HSD11B1: variants seen among roughly 807,000 people sequenced by gnomAD.
HSD11B1 encodes 11-beta-hydroxysteroid dehydrogenase 1.
Under a neutral mutation model 22.1 loss-of-function variants are expected in HSD11B1, and 15 were observed. That is an observed-to-expected ratio of 0.68 (90% CI 0.45 to 1.04). The LOEUF (loss-of-function observed/expected upper bound fraction) is 1.04, where lower values mean the gene tolerates loss of function less well. Ranked by LOEUF, HSD11B1 falls within the 50% of genes least tolerant of loss-of-function variation. The pLI is 0.00. For missense variants in HSD11B1, 281 were observed against 357.6 expected (o/e 0.79, Z 1.73); for synonymous variants, 122 against 125.2 (o/e 0.97, Z 0.17).
At position 209,707,136 on chromosome 1, in the gene HSD11B1, G is replaced by A. The variant is rs544998400; in HGVS notation, c.517+8G>A. 1.8e-5 allele frequency: 29 copies of A among 1,610,116 alleles called. No individual in the cohort carries two copies. In the Admixed American group the frequency reaches 4.8e-4, roughly 27 times the overall value. Reference sequence around the variant, plus strand: ...TCGTCTCCTCTCTGGCTGGTAAGTGGGACAGGGACATATGTGGAAGGTAGA... The same window carrying A: ...TCGTCTCCTCTCTGGCTGGTAAGTGAGACAGGGACATATGTGGAAGGTAGA... On this transcript the variant is annotated splice_region_variant and intron_variant, in intron 4 of 5. Coordinates refer to ENST00000367027, the MANE Select transcript of HSD11B1 (RefSeq NM_005525.4).
At chr1:209,699,253 A>T (rs1271147630) in intron 1 of HSD11B1, among the ~76,000 whole-genome samples, 1 of 151,982 alleles carries the variant, frequency 6.6e-6, no homozygotes, top group Non-Finnish European at 1.5e-5. Flanking sequence ...GAAAGGGAGA[A>T]TCTTATGCGT....
intron 4 of HSD11B1, among the ~76,000 whole-genome samples, chr1:209,726,247 C>T (rs576012576): frequency 7.8e-6 from 1 of 128,416 alleles, no homozygotes; most frequent in African/African-American, 2.9e-5. Flanking sequence ...CGCCACTGCA[C>T]TCCAACCTGG....
At chr1:209,703,690 G>A (rs2076838286), upstream of HSD11B1, among the ~76,000 whole-genome samples, 1 of 152,086 alleles carries the variant, frequency 6.6e-6, no homozygotes, top group African/African-American at 2.4e-5. Context: ...TTAACCTTGT[G>A]TAAATTCTGT....
chr1:209,729,363 A>C (rs1357846039), intron 4 of HSD11B1, among the ~76,000 whole-genome samples: 2 of 146,342 alleles, frequency 1.4e-5, no homozygotes, highest in African/African-American at 5.0e-5. Context: ...TGCCTCGGAA[A>C]ACACACACAC....
chr1:209,692,608 G>GGGGGA (rs759595141), intron 1 of HSD11B1, among the ~76,000 whole-genome samples: 1 of 11,008 alleles, frequency 9.1e-5, no homozygotes, highest in East Asian at 8.1e-3. Flanking sequence ...TTAAAATGGC[G>GGGGGA]GGGGGGGGGG....
At chr1:209,694,370 G>T (rs73089412) in intron 1 of HSD11B1, among the ~76,000 whole-genome samples, 8,128 of 152,262 alleles carry the variant, frequency 0.053, 395 homozygotes, top group African/African-American at 0.13. Context: ...ACTATCTAAT[G>T]GGAAAGGCAG....
At chr1:209,694,184 G>A (rs1044861040) in intron 1 of HSD11B1, among the ~76,000 whole-genome samples, 2 of 152,178 alleles carry the variant, frequency 1.3e-5, no homozygotes, top group East Asian at 3.9e-4. Context: ...CTTTAACCTG[G>A]ACCTTTCTTC....
At chr1:209,724,738 C>A (rs961613363) in intron 4 of HSD11B1, among the ~76,000 whole-genome samples, 1 of 152,190 alleles carries the variant, frequency 6.6e-6, no homozygotes, top group Non-Finnish European at 1.5e-5. Flanking sequence ...TTTCCTCACA[C>A]AAGCTAATTA....
Position 209,734,603 on chromosome 1 carries a change from A to T in HSD11B1, c.*82A>T. ...TATCTGAGCTCTTATCTATGAAGAC[A>T]TCTTCCCAGAGTGTCCCCAGAGACA... is the stretch of plus-strand genomic sequence containing the variant. On this transcript the variant is annotated 3_prime_UTR_variant, in exon 6 of 6. Coordinates refer to ENST00000367027, the MANE Select transcript of HSD11B1 (RefSeq NM_005525.4). 1 of 1,047,000 alleles carries T rather than the reference A, an allele frequency of 9.6e-7. No homozygotes were observed. Among genetic ancestry groups the T allele is most frequent in the Non-Finnish European group, 1.5e-6 (1 of 677,490 alleles). The allele number at this position is 1,047,000 out of a possible 1,614,324, so 64.9% of individuals were successfully genotyped here. A position where few individuals can be genotyped will look rare whatever the true frequency, so the allele number is the denominator to read the frequency against.
intron 4 of HSD11B1, among the ~76,000 whole-genome samples, chr1:209,712,041 G>A (rs1483293387): frequency 6.6e-6 from 1 of 152,158 alleles, no homozygotes. Context: ...GTGCACTTGT[G>A]GATGGAAATA....
intron 1 of HSD11B1, among the ~76,000 whole-genome samples, chr1:209,693,650 C>A (rs1265082091): frequency 6.6e-6 from 1 of 152,208 alleles, no homozygotes; most frequent in Non-Finnish European, 1.5e-5. Context: ...TCTACTGGAT[C>A]TTTCCCACAA....
chr1:209,713,311 A>G (rs542918897), intron 4 of HSD11B1, among the ~76,000 whole-genome samples: 12 of 152,218 alleles, frequency 7.9e-5, no homozygotes, highest in Non-Finnish European at 1.2e-4. Context: ...TAGCATGATT[A>G]TATCTAAATT....
upstream of HSD11B1, among the ~76,000 whole-genome samples, chr1:209,704,030 G>C (rs904521617): frequency 6.6e-6 from 1 of 151,908 alleles, no homozygotes; most frequent in Non-Finnish European, 1.5e-5. Context: ...TTTTTAGCTG[G>C]TGTGGGCGTC....
intron 5 of HSD11B1, among the ~76,000 whole-genome samples, chr1:209,733,270 T>G (rs950369774): frequency 1.3e-5 from 2 of 152,190 alleles, no homozygotes; most frequent in Non-Finnish European, 2.9e-5. Flanking sequence ...GTGGTGTTCT[T>G]GCCAAAATAC....
At chr1:209,703,142 G>A (rs1314459765), upstream of HSD11B1, among the ~76,000 whole-genome samples, 4 of 152,110 alleles carry the variant, frequency 2.6e-5, no homozygotes, top group East Asian at 7.7e-4. Flanking sequence ...TTAAATTTAT[G>A]TTTTCTTAAT....
intron 4 of HSD11B1, among the ~76,000 whole-genome samples, chr1:209,715,755 T>C (rs2076925933): frequency 6.6e-6 from 1 of 152,196 alleles, no homozygotes; most frequent in Admixed American, 6.5e-5. Flanking sequence ...AGCCAACTGA[T>C]ATGAAATGAT....
At chr1:209,697,874 T>G (rs529951904) in intron 1 of HSD11B1, among the ~76,000 whole-genome samples, 310 of 145,126 alleles carry the variant, frequency 2.1e-3, no homozygotes, top group African/African-American at 7.2e-3. Context: ...ATTAATGGTT[T>G]TGTTTTTTCC....
intron 5 of HSD11B1, among the ~76,000 whole-genome samples, chr1:209,733,328 G>T (rs1222697611): frequency 6.6e-6 from 1 of 152,104 alleles, no homozygotes; most frequent in East Asian, 1.9e-4. Flanking sequence ...ACCAAATCAA[G>T]GAACATTTTA....
At chr1:209,727,414 G>A (rs1571886356) in intron 4 of HSD11B1, among the ~76,000 whole-genome samples, 1 of 152,218 alleles carries the variant, frequency 6.6e-6, no homozygotes, top group African/African-American at 2.4e-5. Context: ...GGGACTAGGA[G>A]TGACTAGCCC....
Sources: allele counts gnomAD v4.1 joint callset (sites outside exome capture counted in the v4.1 genomes callset), GRCh38; gene constraint gnomAD v4.1.1; transcripts MANE v1.5; gene names NCBI Gene and HGNC (gene_info 2026-07-23, HGNC 2026-07-21).